Variants in RXFP1 observed in about 807,000 individuals in gnomAD.
RXFP1 encodes the protein relaxin receptor 1.
Under a neutral mutation model 89.8 loss-of-function variants are expected in RXFP1, and 73 were observed. That is an observed-to-expected ratio of 0.81 (90% CI 0.67 to 0.99). The LOEUF (loss-of-function observed/expected upper bound fraction) is 0.99. Ranked by LOEUF, RXFP1 falls within the 50% of genes least tolerant of loss-of-function variation. RXFP1 has a pLI of 0.00. For missense variants in RXFP1, 793 were observed against 895.5 expected, an observed-to-expected ratio of 0.89 and a Z score of 1.46; for synonymous variants, 277 against 305.5, an observed-to-expected ratio of 0.91 and a Z score of 0.97.
At chr4:158,621,526 A>G (rs1161578472) in intron 9 of RXFP1, among the ~76,000 whole-genome samples, 2 of 152,252 alleles carry the variant, frequency 1.3e-5, no homozygotes, top group Admixed American at 6.5e-5. Context: ...AAGATTGCCA[A>G]TAGAATATAC....
At chr4:158,613,407 G>C (rs894144338) in intron 8 of RXFP1, among the ~76,000 whole-genome samples, 4 of 152,206 alleles carry the variant, frequency 2.6e-5, no homozygotes, top group Admixed American at 2.6e-4. Flanking sequence ...TTTCAAAATT[G>C]AAGTCAATAC....
At chr4:158,534,393 A>G (rs766178734) in intron 1 of RXFP1, among the ~76,000 whole-genome samples, 1 of 151,948 alleles carries the variant, frequency 6.6e-6, no homozygotes, top group Admixed American at 6.6e-5. Context: ...GATTACAGGC[A>G]TGCACCACCA....
chr4:158,645,206 A>G, intron 15 of RXFP1, 68 bp downstream of exon 15: 1 of 1,225,282 alleles, frequency 8.2e-7, no homozygotes, highest in Non-Finnish European at 1.2e-6. Context: ...ATTAGAAAAT[A>G]AGTTGTGTGA....
Position 158,550,221 on chromosome 4 carries a change from G to A in RXFP1, c.50-22477G>A, listed in dbSNP as rs182928396. ...TCAGACTGCTGTGCTAGCAATCAGC[G>A]AGACTCCGTGGGCATAGGACCCTCC... On this transcript the variant is annotated intron_variant, in intron 1 of 17. Coordinates refer to ENST00000307765, the MANE Select transcript of RXFP1 (RefSeq NM_021634.4). Among the ~76,000 whole-genome samples, 11 of 152,330 alleles carry A rather than the reference G, an allele frequency of 7.2e-5. No homozygotes were observed. In the South Asian group the frequency reaches 1.9e-3, roughly 26 times the overall value.
In RXFP1 at chr4:158,638,155, T is replaced by G. The variant is rs1323453508; in HGVS notation, c.1043+76T>G. ...ACTAACAATGTATATTTTTATATAT[T>G]TACTTCAAATCATAAGCTTTATTTC... is the stretch of plus-strand genomic sequence containing the variant. On this transcript the variant is annotated intron_variant, in intron 13 of 17. Transcript: ENST00000307765. 161 of 803,530 alleles carry G rather than the reference T, an allele frequency of 2.0e-4. 1 individual carries two copies. The highest frequency in any genetic ancestry group is 4.0e-6 in the Non-Finnish European group (2 of 501,534). 49.8% of individuals were successfully genotyped at this position (803,530 alleles called of 1,614,324 possible).
intron 1 of RXFP1, among the ~76,000 whole-genome samples, chr4:158,527,260 T>C (rs1334685508): frequency 6.6e-6 from 1 of 152,004 alleles, no homozygotes; most frequent in Non-Finnish European, 1.5e-5. Flanking sequence ...AACATATAGT[T>C]GGCCAGGCAT....
chr4:158,626,108 CTATATAGATAGA>C (rs771323356), intron 9 of RXFP1, among the ~76,000 whole-genome samples: 3,240 of 110,512 alleles, frequency 0.029, 124 homozygotes, highest in African/African-American at 0.11. Flanking sequence ...ATTTAGATAT[CTATATAGATAGA>C]TAGATAGATA....
rs1772880316 is a variant in RXFP1 at position 158,652,243 on chromosome 4, T to C, written c.*188T>C. ...GGGAAGTAATTATATCAATAATGTA[T>C]ATATATTAGTAGACATTTTGCATAA... On this transcript the variant is annotated 3_prime_UTR_variant, in exon 18 of 18. Transcript: ENST00000307765. 1.9e-6 allele frequency: 1 copy of C among 515,588 alleles called. No homozygotes were observed. Among genetic ancestry groups the C allele is most frequent in the Non-Finnish European group, 3.4e-6 (1 of 296,560 alleles). The allele number at this position is 515,588 out of a possible 1,614,324, so 31.9% of individuals were successfully genotyped here. A position where few individuals can be genotyped will look rare whatever the true frequency, so the allele number is the denominator to read the frequency against.
chr4:158,544,410 A>G (rs1657201870), intron 1 of RXFP1: 4 of 963,034 alleles, frequency 4.2e-6, no homozygotes, highest in African/African-American at 3.5e-5. Context: ...AGAGGAAGTA[A>G]GTTAGAAGCT....
chr4:158,628,460 A>G (rs1022892781), intron 10 of RXFP1, among the ~76,000 whole-genome samples, 178 bp from the exon 11 acceptor site: 1 of 152,176 alleles, frequency 6.6e-6, no homozygotes, highest in African/African-American at 2.4e-5. Flanking sequence ...TCATCATCAA[A>G]ACATTTGAGA....
At chr4:158,574,643 A>G (rs1006009136) in intron 2 of RXFP1, among the ~76,000 whole-genome samples, 1 of 152,212 alleles carries the variant, frequency 6.6e-6, no homozygotes, top group Non-Finnish European at 1.5e-5. Flanking sequence ...CCTATAATAC[A>G]TGCCTCTGAG....
chr4:158,639,943 C>T (rs948604422), intron 14 of RXFP1, among the ~76,000 whole-genome samples: 15 of 152,116 alleles, frequency 9.9e-5, no homozygotes, highest in African/African-American at 3.6e-4. Context: ...AGAAGATGGC[C>T]ATCTATGAAA....
chr4:158,631,843 A>G (rs1768094152), intron 11 of RXFP1, among the ~76,000 whole-genome samples: 1 of 152,226 alleles, frequency 6.6e-6, no homozygotes, highest in Non-Finnish European at 1.5e-5. Flanking sequence ...CTGTAATCCC[A>G]GCACTTTGGG....
chr4:158,538,567 A>G (rs1261401691), intron 1 of RXFP1, among the ~76,000 whole-genome samples: 2 of 152,218 alleles, frequency 1.3e-5, no homozygotes, highest in East Asian at 3.9e-4. Context: ...TAATCCCAAC[A>G]CTTTAGGAAG....
chr4:158,605,488 G>A (rs1167746947), intron 5 of RXFP1, among the ~76,000 whole-genome samples: 4 of 152,236 alleles, frequency 2.6e-5, no homozygotes, highest in East Asian at 1.9e-4. Context: ...AAAATGTTAC[G>A]CTCTTTTGTC....
chr4:158,603,582 C>T (rs1762063188), intron 4 of RXFP1, among the ~76,000 whole-genome samples: 1 of 151,828 alleles, frequency 6.6e-6, no homozygotes, highest in African/African-American at 2.4e-5. Context: ...TTGTCCCCTC[C>T]TGTGAAATTT....
intron 1 of RXFP1, among the ~76,000 whole-genome samples, chr4:158,539,991 T>A (rs990551807): frequency 6.6e-6 from 1 of 152,198 alleles, no homozygotes; most frequent in Admixed American, 6.5e-5. Flanking sequence ...CTGAGACTTC[T>A]GTGAAAGGTA....
intron 3 of RXFP1, among the ~76,000 whole-genome samples, chr4:158,597,262 C>T (rs1415445080): frequency 1.3e-5 from 2 of 151,964 alleles, no homozygotes; most frequent in Non-Finnish European, 2.9e-5. Flanking sequence ...GAGGAATTCA[C>T]ATTATTAAAG....
Position 158,572,835 on chromosome 4 carries a change from G to A in RXFP1, c.187G>A (p.Gly63Arg). ...GAATCAGGCCGATGAGGACAACTGT[G>A]GTGAGTGAAGCCCCTGCAGTCACGG... ...CGNQADEDNC[G>R]DNNGWSLQFD... Residue 63 changes from glycine to arginine, a missense_variant and splice_region_variant, in exon 2 of 18, where the codon GGA becomes AGA. Physicochemically the swap from Gly to Arg is moderately radical, Grantham distance 125. Transcript: ENST00000307765. 6.2e-7 allele frequency: 1 copy of A among 1,614,110 alleles called. No individual in the cohort carries two copies. Among genetic ancestry groups the A allele is most frequent in the African/African-American group, 1.3e-5 (1 of 75,038 alleles).
Sources: allele counts gnomAD v4.1 joint callset (sites outside exome capture counted in the v4.1 genomes callset), GRCh38; gene constraint gnomAD v4.1.1; transcripts MANE v1.5; gene names NCBI Gene and HGNC (gene_info 2026-07-23, HGNC 2026-07-21).